Variants in OR8J1 observed in about 807,000 individuals in gnomAD.
OR8J1 encodes the protein olfactory receptor 8J1.
For synonymous variants in OR8J1, 157 were observed against 144.3 expected, an observed-to-expected ratio of 1.09 and a Z score of -0.63; for missense variants, 400 against 373.0, an observed-to-expected ratio of 1.07 and a Z score of -0.60.
At chr11:56,357,919 T>C in intron 1 of OR8J1, 1 of 837,046 alleles carries the variant, frequency 1.2e-6, no homozygotes, top group Non-Finnish European at 2.0e-6. Context: ...CGGAAGGACA[T>C]CATGGGCCAG....
chr11:56,358,007 T>TA, intron 1 of OR8J1: 1 of 840,044 alleles, frequency 1.2e-6, no homozygotes. Context: ...TCTCAATATA[T>TA]AAAGAACAGC....
chr11:56,355,032 T>C (rs931695546), intron 1 of OR8J1, among the ~76,000 whole-genome samples: 2 of 152,032 alleles, frequency 1.3e-5, no homozygotes, highest in African/African-American at 4.8e-5. Context: ...AGATTCCTGG[T>C]GTAATGGGAC....
chr11:56,358,077 T>G, intron 1 of OR8J1: 1 of 557,256 alleles, frequency 1.8e-6, no homozygotes, highest in Non-Finnish European at 3.2e-6. Context: ...TAGGAGAAAA[T>G]CCAGTTTATG....
chr11:56,359,030 A>C (rs921452003), intron 1 of OR8J1, among the ~76,000 whole-genome samples: 1 of 152,038 alleles, frequency 6.6e-6, no homozygotes, highest in Non-Finnish European at 1.5e-5. Context: ...AAGGAGACAA[A>C]ATTTAAACAA....
At chr11:56,360,118 G>T in intron 1 of OR8J1, 109 bp from the exon 2 acceptor site, 2 of 645,990 alleles carry the variant, frequency 3.1e-6, no homozygotes, top group Non-Finnish European at 2.5e-6. Flanking sequence ...AACTGAGTTA[G>T]AGTAATAAAC....
chr11:56,355,294 T>C (rs1458642169), intron 1 of OR8J1, among the ~76,000 whole-genome samples: 1 of 151,658 alleles, frequency 6.6e-6, no homozygotes, highest in African/African-American at 2.4e-5. Flanking sequence ...TAAATTAAAG[T>C]CTATTTTTGT....
rs554444202 is a variant in OR8J1 at position 56,360,339 on chromosome 11, T to C, written c.93T>C (p.Phe31=). 61 of 1,614,114 alleles carry C rather than the reference T, an allele frequency of 3.8e-5. 1 individual carries two copies. In the South Asian group the frequency reaches 6.5e-4, roughly 17 times the overall value. The change falls in exon 2 of 2, where the codon TTT becomes TTC. Residue 31 remains phenylalanine (F), a synonymous_variant. Transcript: ENST00000533152. The part of the protein sequence containing the change: ...PELQIPLFLV[F]LVLYGLTMAG... The stretch of plus-strand genomic sequence containing the variant: ...TCCAGATTCCCCTCTTCCTGGTCTT[T>C]CTGGTGCTCTATGGGCTGACCATGG...
In OR8J1 at chr11:56,361,275, A is replaced by G. The variant is rs2134919012; in HGVS notation, c.*78A>G. The G allele has an allele frequency of 1.8e-6, 1 of 548,790 alleles. No individual in the cohort carries two copies. Among genetic ancestry groups the G allele is most frequent in the Non-Finnish European group, 2.8e-6 (1 of 351,348 alleles). The allele number at this position is 548,790 out of a possible 1,614,324, so 34.0% of individuals were successfully genotyped here. A position where few individuals can be genotyped will look rare whatever the true frequency, so the allele number is the denominator to read the frequency against. On this transcript the variant is annotated 3_prime_UTR_variant, in exon 2 of 2. Coordinates refer to ENST00000533152, the MANE Select transcript of OR8J1 (RefSeq NM_001005205.3). ...TAAAAGAAAATGTAGGAAAAAGAAA[A>G]GGTAGGTAGCCGAGTTACAGGTTCG...
intron 1 of OR8J1, among the ~76,000 whole-genome samples, chr11:56,357,161 GC>G (rs1364846476): frequency 6.6e-6 from 1 of 152,018 alleles, no homozygotes; most frequent in Non-Finnish European, 1.5e-5. Context: ...CCTGCCTCGA[GC>G]TTTTTCAATC....
chr11:56,357,860 A>G, intron 1 of OR8J1: 1 of 912,972 alleles, frequency 1.1e-6, no homozygotes, highest in Non-Finnish European at 1.8e-6. Context: ...GTACCAAACA[A>G]TTCCCTGATT....
intron 1 of OR8J1, among the ~76,000 whole-genome samples, chr11:56,358,465 G>T (rs943871639): frequency 2.0e-5 from 3 of 151,956 alleles, no homozygotes; most frequent in Non-Finnish European, 4.4e-5. Context: ...ATCCTTGAAT[G>T]TTCTTCCTAT....
chr11:56,357,309 T>C, intron 1 of OR8J1: 1 of 536,730 alleles, frequency 1.9e-6, no homozygotes, highest in Middle Eastern at 5.4e-4. Context: ...GATGCGGGCC[T>C]CTCTTCAGCA....
chr11:56,358,637 T>A (rs1374550138), intron 1 of OR8J1, among the ~76,000 whole-genome samples: 1 of 152,320 alleles, frequency 6.6e-6, no homozygotes, highest in African/African-American at 2.4e-5. Context: ...ACATACCATG[T>A]GAAAATATTC....
At chr11:56,356,652 T>C (rs2134911635) in intron 1 of OR8J1, among the ~76,000 whole-genome samples, 1 of 152,270 alleles carries the variant, frequency 6.6e-6, no homozygotes, top group South Asian at 2.1e-4. Flanking sequence ...CAGTGGGAAA[T>C]GATGCAAACT....
At chr11:56,356,845 T>A (rs988822814) in intron 1 of OR8J1, among the ~76,000 whole-genome samples, 1 of 152,202 alleles carries the variant, frequency 6.6e-6, no homozygotes, top group Non-Finnish European at 1.5e-5. Flanking sequence ...TAAAGCTTAA[T>A]ATGTTCAAAA....
chr11:56,355,772 C>T (rs1173293478), intron 1 of OR8J1, among the ~76,000 whole-genome samples: 1 of 152,092 alleles, frequency 6.6e-6, no homozygotes, highest in Non-Finnish European at 1.5e-5. Flanking sequence ...TTGAACATGC[C>T]TAGAGAGTAA....
intron 1 of OR8J1, among the ~76,000 whole-genome samples, chr11:56,358,545 C>A (rs182470914): frequency 6.6e-6 from 1 of 152,060 alleles, no homozygotes; most frequent in Non-Finnish European, 1.5e-5. Flanking sequence ...TCAAGAAGGG[C>A]TTCCCATCTT....
At chr11:56,357,948 C>A in intron 1 of OR8J1, 1 of 869,448 alleles carries the variant, frequency 1.2e-6, no homozygotes. Flanking sequence ...AGCTTAGTTG[C>A]TAGCGCTACT....
At chr11:56,360,161 A>T in intron 1 of OR8J1, 66 bp from the exon 2 acceptor site, 1 of 1,030,120 alleles carries the variant, frequency 9.7e-7, no homozygotes, top group Non-Finnish European at 1.4e-6. Flanking sequence ...GAATTGTCCT[A>T]GCCATATAAG....
Sources: allele counts gnomAD v4.1 joint callset (sites outside exome capture counted in the v4.1 genomes callset), GRCh38; gene constraint gnomAD v4.1.1; transcripts MANE v1.5; gene names NCBI Gene and HGNC (gene_info 2026-07-23, HGNC 2026-07-21).